The following GALK2 variants were observed in gnomAD, a reference collection of about 807,000 sequenced individuals.
The protein encoded by GALK2 is galactokinase 2.
Under a neutral mutation model 52.4 loss-of-function variants are expected in GALK2, and 36 were observed. The observed-to-expected ratio is 0.69, with a 90% CI of 0.53 to 0.91. The LOEUF is 0.91. Among genes scored for constraint, GALK2 ranks in the 40% least tolerant of loss-of-function variants. The pLI, the probability that GALK2 is intolerant of heterozygous loss-of-function variation, is 0.00. For missense variants in GALK2, 579 were observed against 559.1 expected, an observed-to-expected ratio of 1.04 and a Z score of -0.36; for synonymous variants, 176 against 199.1, an observed-to-expected ratio of 0.88 and a Z score of 0.98.
At chr15:49,305,977 A>C (rs2141887935) in intron 8 of GALK2, among the ~76,000 whole-genome samples, 1 of 152,324 alleles carries the variant, frequency 6.6e-6, no homozygotes, top group Middle Eastern at 3.4e-3. Flanking sequence ...CACCTTGAGA[A>C]TAGGAACATC....
intron 2 of GALK2, among the ~76,000 whole-genome samples, chr15:49,211,419 C>T (rs1369132539): frequency 6.6e-6 from 1 of 152,114 alleles, no homozygotes; most frequent in Non-Finnish European, 1.5e-5. Flanking sequence ...CCTCATCGTC[C>T]TATCTTTTTT....
chr15:49,234,789 C>T (rs1049918798), intron 3 of GALK2, among the ~76,000 whole-genome samples: 7 of 149,878 alleles, frequency 4.7e-5, no homozygotes, highest in Non-Finnish European at 8.9e-5. Flanking sequence ...TTTTTTGAGA[C>T]GGAATCTTGC....
At chr15:49,267,948 A>G (rs1160154392) in intron 5 of GALK2, among the ~76,000 whole-genome samples, 1 of 152,208 alleles carries the variant, frequency 6.6e-6, no homozygotes, top group East Asian at 1.9e-4. Context: ...TCACTCTCCA[A>G]GATTTGCCAG....
At chr15:49,211,933 T>C (rs1027178053) in intron 2 of GALK2, among the ~76,000 whole-genome samples, 2 of 152,204 alleles carry the variant, frequency 1.3e-5, no homozygotes, top group African/African-American at 2.4e-5. Flanking sequence ...AGCCATATCA[T>C]ATGGGTCTAG....
chr15:49,328,923 AAC>A lies in GALK2; in HGVS notation c.*767_*768del. 1 of 1,212,118 alleles carries A rather than the reference AAC, an allele frequency of 8.3e-7. No homozygotes were observed. Among genetic ancestry groups the A allele is most frequent in the Non-Finnish European group, 1.0e-6 (1 of 967,606 alleles). The allele number at this position is 1,212,118 out of a possible 1,614,324, so 75.1% of individuals were successfully genotyped here. A position where few individuals can be genotyped will look rare whatever the true frequency, so the allele number is the denominator to read the frequency against. Reference sequence around the variant, plus strand: ...ACTTAATAGAAAAACTTAGATAAAAAACACTTTAAGACTCTTCTATTCACATT... The same window carrying A: ...ACTTAATAGAAAAACTTAGATAAAAAACTTTAAGACTCTTCTATTCACATT... On this transcript the variant is annotated 3_prime_UTR_variant, in exon 10 of 10. Coordinates refer to ENST00000560031, the MANE Select transcript of GALK2 (RefSeq NM_002044.4).
chr15:49,238,112 T>A (rs952399368), intron 4 of GALK2, among the ~76,000 whole-genome samples: 2 of 152,208 alleles, frequency 1.3e-5, no homozygotes, highest in Non-Finnish European at 2.9e-5. Flanking sequence ...GCTAGCTGAT[T>A]GAAATTCTCC....
At chr15:49,178,362 CATGTATATATATGTACAT>C (rs557252867) in intron 1 of GALK2, 6 of 117,942 alleles carry the variant, frequency 5.1e-5, no homozygotes, top group African/African-American at 1.9e-4. Flanking sequence ...ATCATGTATA[CATGTATATATATGTACAT>C]ATATATATAT....
At chr15:49,319,219 GC>G in intron 8 of GALK2, 1 of 353,304 alleles carries the variant, frequency 2.8e-6, no homozygotes, top group African/African-American at 2.1e-5. Context: ...CTCCCAAAGT[GC>G]TGGGATTACG....
Position 49,329,508 on chromosome 15 carries a change from G to C in GALK2, c.*1349G>C. 2.0e-6 allele frequency: 2 copies of C among 985,310 alleles called. No individual in the cohort carries two copies. Among genetic ancestry groups the C allele is most frequent in the South Asian group, 4.7e-5 (1 of 21,284 alleles). 61.0% of individuals were successfully genotyped at this position (985,310 alleles called of 1,614,324 possible). ...ATCACCATCTAGAATTTCAGTTTAAGGGAGGCCTGCGCAAAGCTAGTTTTA... is the reference window on the plus strand; with the variant it reads ...ATCACCATCTAGAATTTCAGTTTAACGGAGGCCTGCGCAAAGCTAGTTTTA... On this transcript the variant is annotated 3_prime_UTR_variant, in exon 10 of 10. Coordinates refer to ENST00000560031, the MANE Select transcript of GALK2 (RefSeq NM_002044.4).
At chr15:49,350,810 G>A (rs1032643133) in intron 3 of GALK2, among the ~76,000 whole-genome samples, 13 of 152,104 alleles carry the variant, frequency 8.5e-5, no homozygotes, top group African/African-American at 1.9e-4. Flanking sequence ...TAAGATATGC[G>A]AGCCAAAGAC....
rs187036056 is a variant in GALK2, at chr15:49,174,225, A to G, written c.53+3850A>G. On this transcript the variant is annotated intron_variant, in intron 1 of 9. Transcript: ENST00000560031. ...CTCTGAGCATTCTTGTGAATTTTTT[A>G]AAGCTCATTTATGAAAATGGAAGCA... Among the ~76,000 whole-genome samples, 13 of 152,298 alleles carry G rather than the reference A, an allele frequency of 8.5e-5. No homozygotes were observed. The East Asian group carries it at 2.1e-3, about 25-fold the overall frequency.
At chr15:49,251,707 A>G (rs934535413) in intron 5 of GALK2, among the ~76,000 whole-genome samples, 1 of 152,150 alleles carries the variant, frequency 6.6e-6, no homozygotes, top group Admixed American at 6.6e-5. Context: ...CTCTGATTCT[A>G]AGTGCTTCAT....
At chr15:49,222,892 A>C (rs950798123) in intron 3 of GALK2, among the ~76,000 whole-genome samples, 12 of 152,160 alleles carry the variant, frequency 7.9e-5, no homozygotes, top group African/African-American at 2.9e-4. Flanking sequence ...CATCAGAGTG[A>C]TGCTTGCCTT....
At chr15:49,319,531 A>T (rs890215944) in intron 8 of GALK2, 73 bp from the exon 9 acceptor site, 9 of 1,235,630 alleles carry the variant, frequency 7.3e-6, no homozygotes, top group Non-Finnish European at 1.0e-5. Context: ...AGTCTTTAAA[A>T]GTGTATTTTT....
chr15:49,296,001 C>G (rs2034445861), intron 8 of GALK2, among the ~76,000 whole-genome samples: 2 of 152,160 alleles, frequency 1.3e-5, no homozygotes, highest in African/African-American at 2.4e-5. Flanking sequence ...ATTGCTCTCT[C>G]TCTGCCTCTC....
intron 8 of GALK2, among the ~76,000 whole-genome samples, chr15:49,304,152 A>G (rs1011001814): frequency 6.6e-6 from 1 of 152,200 alleles, no homozygotes; most frequent in African/African-American, 2.4e-5. Flanking sequence ...ACATCTTGCC[A>G]TCCTATTTTC....
chr15:49,231,915 A>G (rs560361520), intron 3 of GALK2, among the ~76,000 whole-genome samples: 1 of 152,286 alleles, frequency 6.6e-6, no homozygotes, highest in African/African-American at 2.4e-5. Flanking sequence ...GTGTTCATGC[A>G]CCTGCGGCTT....
chr15:49,172,451 C>T (rs2085167496), intron 1 of GALK2, among the ~76,000 whole-genome samples: 2 of 152,160 alleles, frequency 1.3e-5, no homozygotes, highest in African/African-American at 2.4e-5. Flanking sequence ...GCCACTTACT[C>T]ATTCTAGGAG....
intron 5 of GALK2, among the ~76,000 whole-genome samples, chr15:49,258,130 A>T (rs2091892196): frequency 6.6e-6 from 1 of 152,102 alleles, no homozygotes; most frequent in Non-Finnish European, 1.5e-5. Context: ...GATTCAATTA[A>T]CAATTTTTAA....
Sources: gnomAD v4.1 joint callset for allele counts (sites outside exome capture counted in the v4.1 genomes callset) on GRCh38, gnomAD v4.1.1 for gene constraint, MANE v1.5 for transcripts, NCBI Gene and HGNC (gene_info 2026-07-23, HGNC 2026-07-21) for gene names.